Variants in MAF observed in about 807,000 individuals in gnomAD.
MAF encodes MAF bZIP transcription factor, also known as transcription factor Maf.
In MAF, 10 loss-of-function variants were observed where a neutral mutation model predicts 22.0. That is an observed-to-expected ratio of 0.45 (90% CI 0.28 to 0.77). MAF has a LOEUF of 0.77. Ranked by LOEUF, MAF falls within the 30% of genes least tolerant of loss-of-function variation. MAF has a pLI of 0.12. For synonymous variants in MAF, 337 were observed against 255.8 expected (o/e 1.32, Z -3.03); for missense variants, 544 against 548.4 (o/e 0.99, Z 0.08).
the MAF span, among the ~76,000 whole-genome samples, chr16:79,293,454 A>G: frequency 1.3e-5 from 2 of 152,188 alleles, no homozygotes. Flanking sequence ...TACACTTTCT[A>G]TATGTTACAT....
At chr16:79,486,464 A>G in the MAF span, among the ~76,000 whole-genome samples, 1 of 146,452 alleles carries the variant, frequency 6.8e-6, no homozygotes, top group South Asian at 2.1e-4. Flanking sequence ...AAACATAAAC[A>G]TAACAATATT....
the MAF span, among the ~76,000 whole-genome samples, chr16:79,539,794 C>T: frequency 6.6e-6 from 1 of 152,170 alleles, no homozygotes; most frequent in African/African-American, 2.4e-5. Context: ...GCATGCCTTT[C>T]TAAATGCCAC....
chr16:79,218,380 C>T, the MAF span, among the ~76,000 whole-genome samples: 1 of 152,192 alleles, frequency 6.6e-6, no homozygotes, highest in Non-Finnish European at 1.5e-5. Context: ...TCTGTTAGAA[C>T]TAATGGTTCA....
At chr16:79,369,048 A>G in the MAF span, among the ~76,000 whole-genome samples, 25 of 152,326 alleles carry the variant, frequency 1.6e-4, no homozygotes, top group African/African-American at 6.0e-4. Context: ...AGCTCTTAGA[A>G]CAGTGTTGGA....
chr16:79,360,770 G>C, the MAF span, among the ~76,000 whole-genome samples: 7 of 152,158 alleles, frequency 4.6e-5, no homozygotes, highest in African/African-American at 1.7e-4. Flanking sequence ...ACTGCAAGAA[G>C]GAGTGGAACA....
At chr16:79,464,219 C>T in the MAF span, among the ~76,000 whole-genome samples, 1 of 152,128 alleles carries the variant, frequency 6.6e-6, no homozygotes, top group Non-Finnish European at 1.5e-5. Flanking sequence ...AGGGCTTTTG[C>T]AGACACCAGG....
the MAF span, among the ~76,000 whole-genome samples, chr16:79,461,706 A>G: frequency 1.3e-5 from 2 of 152,258 alleles, no homozygotes; most frequent in African/African-American, 4.8e-5. Flanking sequence ...GCTCATGTCC[A>G]TGTGGTTACT....
chr16:79,436,914 A>C, the MAF span, among the ~76,000 whole-genome samples: 1 of 152,306 alleles, frequency 6.6e-6, no homozygotes, highest in East Asian at 1.9e-4. Flanking sequence ...GTCTTGGGCA[A>C]AGTCTCCCAA....
At chr16:79,541,340 C>A in the MAF span, among the ~76,000 whole-genome samples, 1 of 152,124 alleles carries the variant, frequency 6.6e-6, no homozygotes, top group Non-Finnish European at 1.5e-5. Context: ...AGACTATGCA[C>A]CTGTTCGTGC....
the MAF span, among the ~76,000 whole-genome samples, chr16:79,530,162 T>C: frequency 6.6e-6 from 1 of 152,182 alleles, no homozygotes; most frequent in East Asian, 1.9e-4. Flanking sequence ...AGATATCCCA[T>C]AACAATTTAT....
At chr16:79,367,300 T>G in the MAF span, among the ~76,000 whole-genome samples, 1 of 152,208 alleles carries the variant, frequency 6.6e-6, no homozygotes, top group Admixed American at 6.5e-5. Context: ...TGATCAGTTG[T>G]ACCTTGTCTT....
chr16:79,517,104 G>T, the MAF span, among the ~76,000 whole-genome samples: 2 of 152,092 alleles, frequency 1.3e-5, no homozygotes, highest in African/African-American at 2.4e-5. Flanking sequence ...GCATCAGCTG[G>T]TACCAGCCAG....
the MAF span, among the ~76,000 whole-genome samples, chr16:79,287,402 G>A: frequency 6.6e-6 from 1 of 152,164 alleles, no homozygotes; most frequent in Non-Finnish European, 1.5e-5. Flanking sequence ...GGGCTGGCGG[G>A]GGAGGCACAG....
At chr16:79,462,579 GCA>G in the MAF span, among the ~76,000 whole-genome samples, 339 of 152,178 alleles carry the variant, frequency 2.2e-3, 3 homozygotes, top group African/African-American at 7.2e-3. Context: ...GCACAAACAT[GCA>G]CACACACACA....
the MAF span, among the ~76,000 whole-genome samples, chr16:79,555,179 G>A: frequency 6.6e-6 from 1 of 152,150 alleles, no homozygotes; most frequent in African/African-American, 2.4e-5. Context: ...GCATCACTTT[G>A]TATTTGCTTC....
the MAF span, among the ~76,000 whole-genome samples, chr16:79,574,767 G>T: frequency 6.6e-6 from 1 of 152,254 alleles, no homozygotes; most frequent in South Asian, 2.1e-4. Flanking sequence ...ACTGCCTTGG[G>T]CTTGCTTATA....
the MAF span, among the ~76,000 whole-genome samples, chr16:79,559,636 TA>T: frequency 0.094 from 13,954 of 148,872 alleles, 734 homozygotes; most frequent in African/African-American, 0.13. Context: ...TAGATGTTCA[TA>T]AAAAAAAAAC....
the MAF span, among the ~76,000 whole-genome samples, chr16:79,264,837 G>C: frequency 2.0e-5 from 3 of 152,004 alleles, no homozygotes; most frequent in South Asian, 2.1e-4. Flanking sequence ...TCCTGCCTTC[G>C]TCATACTTTT....
At chr16:79,299,886 C>T in the MAF span, among the ~76,000 whole-genome samples, 12 of 152,228 alleles carry the variant, frequency 7.9e-5, no homozygotes, top group Admixed American at 7.8e-4. Context: ...TGGCCCAGAG[C>T]CATCTCTTTC....
Sources: allele counts gnomAD v4.1 joint callset (sites outside exome capture counted in the v4.1 genomes callset), GRCh38; gene constraint gnomAD v4.1.1; transcripts MANE v1.5; gene names NCBI Gene and HGNC (gene_info 2026-07-23, HGNC 2026-07-21).